PCDHGA1: variants seen among roughly 807,000 people sequenced by gnomAD.
The protein encoded by PCDHGA1 is protocadherin gamma-A1.
A neutral mutation model predicts 58.0 loss-of-function variants in PCDHGA1; 32 were observed. The observed-to-expected ratio is 0.55, with a 90% CI of 0.42 to 0.74. The LOEUF (loss-of-function observed/expected upper bound fraction) is 0.74, where lower values mean the gene tolerates loss of function less well. PCDHGA1 is among the 30% of genes least tolerant of loss of function. The pLI is 0.00. For synonymous variants in PCDHGA1, 498 were observed against 501.1 expected (o/e 0.99, Z 0.08); for missense variants, 1,205 against 1,182.3 (o/e 1.02, Z -0.28).
intron 1 of PCDHGA1, chr5:141,355,807 G>C (rs1444554207): frequency 6.2e-7 from 1 of 1,613,264 alleles, no homozygotes; most frequent in Admixed American, 1.7e-5. Flanking sequence ...TCTAGATCGC[G>C]AGGAAGAGGC....
chr5:141,489,935 T>C lies in PCDHGA1; in HGVS notation c.2422-4872T>C. On this transcript the variant is annotated intron_variant, in intron 1 of 3. Coordinates refer to ENST00000517417, the MANE Select transcript of PCDHGA1 (RefSeq NM_018912.3). The surrounding 1 kb of genome is among the most constrained non-coding windows in gnomAD (Gnocchi z 4.5). ...GGGACCACCCTTATCTCTGTCATCG[T>C]GCTGGACATCAATGATAATGCTCCA... 1 of 1,614,216 alleles carries C rather than the reference T, an allele frequency of 6.2e-7. No individual in the cohort carries two copies.
intron 1 of PCDHGA1, among the ~76,000 whole-genome samples, chr5:141,472,346 C>G (rs1393301393): frequency 6.6e-6 from 1 of 151,722 alleles, no homozygotes; most frequent in Non-Finnish European, 1.5e-5. Flanking sequence ...TCGAGACCAT[C>G]CTGGCTAACA....
intron 1 of PCDHGA1, chr5:141,362,026 G>A: frequency 6.2e-7 from 1 of 1,608,520 alleles, no homozygotes; most frequent in Non-Finnish European, 8.5e-7. Context: ...CACAGCGCGT[G>A]CCTTGGGCGA....
At chr5:141,447,947 A>G (rs2098555998) in intron 1 of PCDHGA1, among the ~76,000 whole-genome samples, 1 of 151,958 alleles carries the variant, frequency 6.6e-6, no homozygotes, top group South Asian at 2.1e-4. Flanking sequence ...TTAGCTGGGC[A>G]TGGTGGCGGA....
chr5:141,410,464 G>A, intron 1 of PCDHGA1: 1 of 1,613,994 alleles, frequency 6.2e-7, no homozygotes, highest in South Asian at 1.1e-5. Context: ...CTTATAATCT[G>A]TGCATTGCAC....
chr5:141,429,510 T>A (rs2097220128), intron 1 of PCDHGA1, among the ~76,000 whole-genome samples: 1 of 152,124 alleles, frequency 6.6e-6, no homozygotes, highest in African/African-American at 2.4e-5. Context: ...AAACTGTGCC[T>A]GGCAGAGAAA....
At chr5:141,408,857 G>A (rs372861749) in intron 1 of PCDHGA1, 4 of 1,613,542 alleles carry the variant, frequency 2.5e-6, no homozygotes, top group Non-Finnish European at 3.4e-6. Flanking sequence ...GGACGGAGGG[G>A]ACCCACCAAG....
rs780691467 is a variant in PCDHGA1, at chr5:141,331,320, C to T, written c.636C>T (p.Leu212=). Reference sequence around the variant, plus strand: ...AAGAAGCTGTCCACCACCTCATCCTCACAGCTTCTGATGGGGGTGAACCAG... The same window carrying T: ...AAGAAGCTGTCCACCACCTCATCCTTACAGCTTCTGATGGGGGTGAACCAG... ...REEEAVHHLI[L]TASDGGEPVR... Residue 212 remains leucine, a synonymous_variant, in exon 1 of 4, where the codon CTC becomes CTT. Transcript: ENST00000517417. The T allele has an allele frequency of 3.7e-5, 59 of 1,614,062 alleles. No individual in the cohort carries two copies. The highest frequency in any genetic ancestry group is 4.8e-5 in the Non-Finnish European group (57 of 1,180,042).
Position 141,490,447 on chromosome 5 carries a change from C to A in PCDHGA1, c.2422-4360C>A, listed in dbSNP as rs1273424450. 1.2e-6 allele frequency: 2 copies of A among 1,614,196 alleles called. No homozygotes were observed. The highest frequency in any genetic ancestry group is 1.7e-5 in the Admixed American group (1 of 60,030). Reference sequence around the variant, plus strand: ...ATTTCAGATTAAGCCTTCTGAGAACCACTACTCGCTGCTAACCAGCCAGCC... The same window carrying A: ...ATTTCAGATTAAGCCTTCTGAGAACAACTACTCGCTGCTAACCAGCCAGCC... On this transcript the variant is annotated intron_variant, in intron 1 of 3. Coordinates refer to ENST00000517417, the MANE Select transcript of PCDHGA1 (RefSeq NM_018912.3). This position sits in a 1 kb window ranked among gnomAD's most constrained non-coding sequence, Gnocchi z 5.4.
intron 1 of PCDHGA1, among the ~76,000 whole-genome samples, chr5:141,382,034 G>A (rs574726397): frequency 6.6e-5 from 10 of 151,712 alleles, no homozygotes; most frequent in African/African-American, 2.4e-4. Flanking sequence ...TCTCCATGTT[G>A]GTCAGGCTGG....
intron 1 of PCDHGA1, among the ~76,000 whole-genome samples, chr5:141,337,678 A>C (rs909981787): frequency 6.6e-6 from 1 of 152,206 alleles, no homozygotes; most frequent in Admixed American, 6.5e-5. Flanking sequence ...GGAGGATGAA[A>C]AAGTTCTGGA....
At chr5:141,468,330 CAAA>C (rs533390277) in intron 1 of PCDHGA1, 32,113 of 79,068 alleles carry the variant, frequency 0.41, 3,870 homozygotes, top group African/African-American at 0.52. Flanking sequence ...AACTCCATCT[CAAA>C]AAAAAAAAAA....
At chr5:141,483,487 A>G (rs777951096) in intron 1 of PCDHGA1, among the ~76,000 whole-genome samples, 4 of 152,006 alleles carry the variant, frequency 2.6e-5, no homozygotes, top group Non-Finnish European at 5.9e-5. Context: ...AGTGAGGGAC[A>G]GGGATGAGTC....
intron 1 of PCDHGA1, chr5:141,408,068 C>G: frequency 7.3e-7 from 1 of 1,367,282 alleles, no homozygotes; most frequent in Non-Finnish European, 9.7e-7. Flanking sequence ...GCTGCGCAGA[C>G]CTTTCCCAGC....
intron 1 of PCDHGA1, among the ~76,000 whole-genome samples, chr5:141,484,030 T>G (rs1290301073): frequency 6.6e-6 from 1 of 151,022 alleles, no homozygotes; most frequent in African/African-American, 2.4e-5. Flanking sequence ...TGAGATCAAG[T>G]CTCCAGCTCC....
chr5:141,400,030 C>G (rs201599536), intron 1 of PCDHGA1: 3 of 1,613,050 alleles, frequency 1.9e-6, no homozygotes, highest in Non-Finnish European at 2.5e-6. Flanking sequence ...GGACGCGGCC[C>G]GCCAGCGCCT....
intron 1 of PCDHGA1, chr5:141,399,381 C>T: frequency 1.2e-6 from 2 of 1,613,982 alleles, no homozygotes; most frequent in Non-Finnish European, 8.5e-7. Flanking sequence ...ATGTCACCAT[C>T]ACAGCCACAG....
chr5:141,419,375 T>G (rs755252910), intron 1 of PCDHGA1: 1 of 1,613,728 alleles, frequency 6.2e-7, no homozygotes, highest in Admixed American at 1.7e-5. Context: ...GTCCTACGTG[T>G]CCGTGAGCGC....
intron 1 of PCDHGA1, among the ~76,000 whole-genome samples, chr5:141,482,530 C>CAAAAAAAAAAAAAAAAAAAAAA (rs3074545): frequency 1.3e-5 from 1 of 76,562 alleles, no homozygotes. Context: ...GACAGACATG[C>CAAAAAAAAAAAAAAAAAAAAAA]AAAAAAAAAA....
Sources: allele counts gnomAD v4.1 joint callset (sites outside exome capture counted in the v4.1 genomes callset), GRCh38; gene constraint gnomAD v4.1.1; non-coding constraint Gnocchi (gnomAD v3.1); transcripts MANE v1.5; gene names NCBI Gene and HGNC (gene_info 2026-07-23, HGNC 2026-07-21).